The following HHIPL1 variants were observed in gnomAD, a reference collection of about 807,000 sequenced individuals.
The protein encoded by HHIPL1 is HHIP-like protein 1.
A neutral mutation model predicts 61.8 loss-of-function variants in HHIPL1; 43 were observed. That is an observed-to-expected ratio of 0.70 (90% CI 0.55 to 0.90). HHIPL1 has a LOEUF of 0.90. Ranked by LOEUF, HHIPL1 falls within the 40% of genes least tolerant of loss-of-function variation. The pLI is 0.00. For missense variants in HHIPL1, 1,056 were observed against 1,157.7 expected, an observed-to-expected ratio of 0.91 and a Z score of 1.28; for synonymous variants, 482 against 515.8, an observed-to-expected ratio of 0.93 and a Z score of 0.89.
chr14:99,656,791 G>A (rs1344353943), intron 2 of HHIPL1, among the ~76,000 whole-genome samples: 9 of 2,370 alleles, frequency 3.8e-3, no homozygotes, highest in Admixed American at 0.026. Flanking sequence ...GAAAAGAAAA[G>A]AAAGAAAGAA....
chr14:99,663,112 A>G, intron 6 of HHIPL1, 91 bp downstream of exon 6: 1 of 1,246,982 alleles, frequency 8.0e-7, no homozygotes, highest in Non-Finnish European at 1.1e-6. Context: ...ATGTAGGGGA[A>G]GGACCACACA....
chr14:99,645,557 G>A, intron 1 of HHIPL1, 95 bp downstream of exon 1: 1 of 1,192,620 alleles, frequency 8.4e-7, no homozygotes, highest in Non-Finnish European at 1.0e-6. Flanking sequence ...GCCAAGAGTG[G>A]GCGGCGGACT....
At chr14:99,634,043 G>A in the HHIPL1 span, among the ~76,000 whole-genome samples, 10 of 152,212 alleles carry the variant, frequency 6.6e-5, no homozygotes, top group South Asian at 2.1e-4. Flanking sequence ...CACCAGACTC[G>A]GTGGTGAGGA....
chr14:99,631,701 T>A, the HHIPL1 span, among the ~76,000 whole-genome samples: 1 of 152,112 alleles, frequency 6.6e-6, no homozygotes, highest in Non-Finnish European at 1.5e-5. Flanking sequence ...CACTGCAACC[T>A]TTGCTTCCTG....
rs2056282268 is a variant in HHIPL1, at chr14:99,668,428, T to G, written c.1730+125T>G. On this transcript the variant is annotated intron_variant, in intron 7 of 8. Transcript: ENST00000330710. The surrounding 1 kb of genome is among the most constrained non-coding windows in gnomAD (Gnocchi z 4.7). ...AATCCCCATTTTCAGACAAGAACCC[T>G]GAGGCCCAGAGAGGGACGTGATTTG... 1.5e-6 allele frequency: 1 copy of G among 669,872 alleles called. No homozygotes were observed. The highest frequency in any genetic ancestry group is 1.8e-5 in the African/African-American group (1 of 56,330). The allele number at this position is 669,872 out of a possible 1,614,324, so 41.5% of individuals were successfully genotyped here.
the HHIPL1 span, among the ~76,000 whole-genome samples, chr14:99,605,870 A>G: frequency 6.6e-6 from 1 of 152,202 alleles, no homozygotes; most frequent in South Asian, 2.1e-4. Context: ...GACCTGTTCC[A>G]AGAAGGCCAG....
In HHIPL1 at chr14:99,652,554, C is replaced by T. The variant is rs200639998; in HGVS notation, c.586C>T (p.Pro196Ser). Reference sequence around the variant, plus strand: ...GGAGGTGGCCAACGGGCTGCGCAACCCCGTGGCCATGGTCCATGCCAGGGA... The same window carrying T: ...GGAGGTGGCCAACGGGCTGCGCAACTCCGTGGCCATGGTCCATGCCAGGGA... ...LEEVANGLRN[P>S]VAMVHARDGT... The change falls in exon 2 of 9, where the codon CCC becomes TCC. Residue 196 changes from proline to serine, a missense_variant. Physicochemically the swap from Pro to Ser is moderately conservative, Grantham distance 74 (BLOSUM62 -1). Transcript: ENST00000330710. 2.5e-6 allele frequency: 4 copies of T among 1,613,116 alleles called. No individual in the cohort carries two copies. Among genetic ancestry groups the T allele is most frequent in the Non-Finnish European group, 3.4e-6 (4 of 1,179,984 alleles).
upstream of HHIPL1, among the ~76,000 whole-genome samples, chr14:99,643,248 C>T (rs2055775989): frequency 6.6e-6 from 1 of 151,858 alleles, no homozygotes; most frequent in Non-Finnish European, 1.5e-5. Flanking sequence ...CCATGTTGAC[C>T]AGGCTGGTTT....
intron 7 of HHIPL1, chr14:99,669,186 C>G (rs1018552431): frequency 7.8e-7 from 1 of 1,286,310 alleles, no homozygotes; most frequent in African/African-American, 1.5e-5. Flanking sequence ...GCCTGTATCT[C>G]TTCACTCTGC....
chr14:99,645,383 G>T lies in HHIPL1; in HGVS notation c.176G>T (p.Arg59Leu). The T allele has an allele frequency of 7.0e-7, 1 of 1,437,742 alleles. No homozygotes were observed. 89.1% of individuals were successfully genotyped at this position (1,437,742 alleles called of 1,614,324 possible). The change falls in exon 1 of 9, where the codon CGC (arginine) becomes CTC (leucine). Residue 59 changes from arginine (R) to leucine (L), a missense_variant. Transcript: ENST00000330710. ...GGGCGCGACGCCGAGCTGACCCGCC[G>T]CTTCTGGGCCCTGGCGAGCCGCGTG... The part of the protein sequence containing the change: ...DEGRDAELTR[R>L]FWALASRVDA...
the HHIPL1 span, among the ~76,000 whole-genome samples, chr14:99,605,516 T>A: frequency 2.0e-5 from 3 of 152,186 alleles, no homozygotes; most frequent in African/African-American, 7.2e-5. Context: ...AAGCCGTTCA[T>A]TCAGCTGTGT....
At chr14:99,637,078 G>GAAAGAA in the HHIPL1 span, among the ~76,000 whole-genome samples, 3 of 99,058 alleles carry the variant, frequency 3.0e-5, no homozygotes, top group Non-Finnish European at 6.4e-5. Context: ...AAGAAAGAGA[G>GAAAGAA]AGAAAGAAAG....
At chr14:99,631,757 C>T in the HHIPL1 span, among the ~76,000 whole-genome samples, 1 of 152,198 alleles carries the variant, frequency 6.6e-6, no homozygotes, top group African/African-American at 2.4e-5. Flanking sequence ...GCTGGGATTA[C>T]ATGTGTGCGC....
chr14:99,644,902 G>A (rs990533104), upstream of HHIPL1, among the ~76,000 whole-genome samples: 2 of 152,220 alleles, frequency 1.3e-5, no homozygotes, highest in Admixed American at 6.5e-5. Flanking sequence ...AGAGCGCCCT[G>A]TGGGGAGGAA....
chr14:99,671,411 G>GT (rs1387568373), intron 7 of HHIPL1, among the ~76,000 whole-genome samples: 2 of 152,196 alleles, frequency 1.3e-5, no homozygotes, highest in Admixed American at 6.5e-5. Context: ...TTTGAGAAGC[G>GT]TATGTGCCTG....
chr14:99,646,771 C>A, intron 1 of HHIPL1, among the ~76,000 whole-genome samples: 1 of 147,616 alleles, frequency 6.8e-6, no homozygotes, highest in African/African-American at 2.5e-5. Context: ...AAGACTCCGT[C>A]TCAAAAATAT....
At position 99,652,205 on chromosome 14, in the gene HHIPL1, G is replaced by A; in HGVS notation, c.256-19G>A. 6.4e-7 allele frequency: 1 copy of A among 1,568,472 alleles called. No individual in the cohort carries two copies. On this transcript the variant is annotated intron_variant, in intron 1 of 8. Transcript: ENST00000330710. Reference sequence around the variant, plus strand: ...AAGCACCTCCACAAAACATCTCTGAGCCATTACTGTCTCTGCAGGAATGCT... The same window carrying A: ...AAGCACCTCCACAAAACATCTCTGAACCATTACTGTCTCTGCAGGAATGCT...
intron 8 of HHIPL1, among the ~76,000 whole-genome samples, chr14:99,672,740 C>T (rs933653171): frequency 1.3e-5 from 2 of 152,182 alleles, no homozygotes; most frequent in Admixed American, 6.5e-5. Flanking sequence ...GAGGGGCTGG[C>T]ATATGGGCTG....
intron 4 of HHIPL1, 96 bp downstream of exon 4, chr14:99,659,852 C>CCT (rs1335392244): frequency 1.8e-6 from 1 of 561,464 alleles, no homozygotes; most frequent in Non-Finnish European, 2.7e-6. Context: ...CCGCACCCCC[C>CCT]CCCCCCCGGA....
Sources: gnomAD v4.1 joint callset for allele counts (sites outside exome capture counted in the v4.1 genomes callset) on GRCh38, gnomAD v4.1.1 for gene constraint, Gnocchi (gnomAD v3.1) non-coding constraint, MANE v1.5 for transcripts, NCBI Gene and HGNC (gene_info 2026-07-23, HGNC 2026-07-21) for gene names.